The following NAPA variants were observed in gnomAD, a reference collection of about 807,000 sequenced individuals.
NAPA encodes alpha-soluble NSF attachment protein.
NAPA carries 18 observed loss-of-function variants against 48.0 expected under a neutral mutation model. The ratio of observed to expected loss-of-function variants is 0.38; its 90% CI spans 0.26 to 0.56. The LOEUF (loss-of-function observed/expected upper bound fraction) is 0.56, where lower values mean the gene tolerates loss of function less well. NAPA is among the 20% of genes least tolerant of loss of function. The pLI is 0.77. For synonymous variants in NAPA, 152 were observed against 149.9 expected, an observed-to-expected ratio of 1.01 and a Z score of -0.10; for missense variants, 315 against 385.0, an observed-to-expected ratio of 0.82 and a Z score of 1.52.
At chr19:47,500,020 T>G (rs1335721860) in intron 3 of NAPA, among the ~76,000 whole-genome samples, 5 of 152,264 alleles carry the variant, frequency 3.3e-5, no homozygotes, top group African/African-American at 2.4e-5. Flanking sequence ...AACACTGGGC[T>G]GGACCTCCTC....
chr19:47,490,015 G>C (rs1319650171), intron 9 of NAPA, among the ~76,000 whole-genome samples: 1 of 151,966 alleles, frequency 6.6e-6, no homozygotes, highest in African/African-American at 2.4e-5. Flanking sequence ...ATGTGTGTGT[G>C]TGTGGGTATG....
chr19:47,502,377 A>T (rs1386196727), intron 2 of NAPA, among the ~76,000 whole-genome samples: 5 of 152,150 alleles, frequency 3.3e-5, no homozygotes, highest in African/African-American at 9.7e-5. Flanking sequence ...CTATGTAATT[A>T]AAAAATAAGC....
At chr19:47,507,200 T>C (rs1968709399) in intron 1 of NAPA, among the ~76,000 whole-genome samples, 1 of 152,160 alleles carries the variant, frequency 6.6e-6, no homozygotes, top group Non-Finnish European at 1.5e-5. Flanking sequence ...GGCTGCCTGA[T>C]GCAGGGCTGT....
intron 1 of NAPA, among the ~76,000 whole-genome samples, chr19:47,508,835 C>G (rs892337305): frequency 6.6e-6 from 1 of 152,052 alleles, no homozygotes; most frequent in Non-Finnish European, 1.5e-5. Flanking sequence ...CCTACAATCC[C>G]AGGGCTTTGG....
chr19:47,490,324 G>A (rs1244811586), intron 9 of NAPA, among the ~76,000 whole-genome samples: 1 of 149,052 alleles, frequency 6.7e-6, no homozygotes, highest in Non-Finnish European at 1.5e-5. Flanking sequence ...TGTGTAGTGT[G>A]TGTGCGATAT....
At chr19:47,513,093 G>A (rs546281987) in intron 1 of NAPA, among the ~76,000 whole-genome samples, 4 of 152,004 alleles carry the variant, frequency 2.6e-5, no homozygotes, top group African/African-American at 7.2e-5. Flanking sequence ...TGACCCTTTC[G>A]GGTCGTCCCA....
In NAPA at chr19:47,500,444, G is replaced by A. The variant is rs368422289; in HGVS notation, c.295+189C>T. On this transcript the variant is annotated intron_variant, in intron 3 of 10. Coordinates refer to ENST00000263354, the MANE Select transcript of NAPA (RefSeq NM_003827.4). Reference sequence around the variant, plus strand: ...GGGGGCGGAGACTTGAGCAGGGCGCGAATGCCAACTGGAAGGAAGAGAGCC... The same window carrying A: ...GGGGGCGGAGACTTGAGCAGGGCGCAAATGCCAACTGGAAGGAAGAGAGCC... Among the ~76,000 whole-genome samples the A allele has an allele frequency of 3.3e-5, 5 of 152,306 alleles. No individual in the cohort carries two copies. In the South Asian group the frequency reaches 1.0e-3, roughly 32 times the overall value.
At chr19:47,489,239 AG>A (rs1968173829) in intron 10 of NAPA, 1 of 167,012 alleles carries the variant, frequency 6.0e-6, no homozygotes, top group Admixed American at 5.6e-5. Context: ...GAACAGAGAA[AG>A]GGAAGGGAGA....
chr19:47,494,376 C>T (rs927275689), intron 4 of NAPA, among the ~76,000 whole-genome samples: 2 of 152,172 alleles, frequency 1.3e-5, no homozygotes, highest in Non-Finnish European at 1.5e-5. Flanking sequence ...CTGCCCTGAA[C>T]GCAAGGGGTA....
intron 2 of NAPA, 163 bp downstream of exon 2, chr19:47,503,260 C>A: frequency 1.5e-6 from 1 of 656,304 alleles, no homozygotes; most frequent in African/African-American, 1.8e-5. Flanking sequence ...ATAAAGTAAC[C>A]CAGCAGGCAC....
At position 47,489,537 on chromosome 19, in the gene NAPA, T is replaced by C; in HGVS notation, c.786+174A>G. The C allele has an allele frequency of 4.2e-6, 3 of 711,140 alleles. 1 individual carries two copies. The highest frequency in any genetic ancestry group is 3.6e-5 in the South Asian group (2 of 55,866). The allele number at this position is 711,140 out of a possible 1,614,324, so 44.1% of individuals were successfully genotyped here. ...TCTATAAAATGGGGAGAACACTCCC[T>C]GCGCCTCTTGGCGCTACTTGTAAGG... On this transcript the variant is annotated intron_variant, in intron 10 of 10. Transcript: ENST00000263354.
chr19:47,514,881 T>G lies in NAPA; in HGVS notation c.60A>C (p.Lys20Asn), dbSNP rs1448272213. The G allele has an allele frequency of 6.2e-7, 1 of 1,613,898 alleles. No individual in the cohort carries two copies. The highest frequency in any genetic ancestry group is 8.5e-7 in the Non-Finnish European group (1 of 1,180,008). ...AGAAGAAGGACTGCGAGTTCTTCAC[T>G]TTGCGCTCCGCCTCGGCCAACAGCG... The part of the protein sequence containing the change: ...AMALLAEAER[K>N]VKNSQSFFSG... The change falls in exon 1 of 11, where the codon AAA becomes AAC. Residue 20 changes from lysine to asparagine, a missense_variant. Coordinates refer to ENST00000263354, the MANE Select transcript of NAPA (RefSeq NM_003827.4).
intron 3 of NAPA, 133 bp from the exon 4 acceptor site, chr19:47,495,729 T>TGA: frequency 1.3e-6 from 1 of 780,178 alleles, no homozygotes; most frequent in Non-Finnish European, 2.2e-6. Flanking sequence ...CTGCCAGCGC[T>TGA]GCCACACACT....
chr19:47,492,812 T>TG, intron 7 of NAPA, 149 bp downstream of exon 7: 2 of 651,550 alleles, frequency 3.1e-6, no homozygotes, highest in Non-Finnish European at 2.7e-6. Flanking sequence ...GAAGACAGGG[T>TG]GGGGGGATGA....
chr19:47,511,587 C>G (rs900728334), intron 1 of NAPA, among the ~76,000 whole-genome samples: 2 of 152,208 alleles, frequency 1.3e-5, no homozygotes, highest in African/African-American at 4.8e-5. Flanking sequence ...TGGTCATGAA[C>G]CTTGAGGAGA....
intron 3 of NAPA, among the ~76,000 whole-genome samples, chr19:47,498,987 C>T (rs913970722): frequency 4.6e-5 from 7 of 152,220 alleles, no homozygotes; most frequent in Non-Finnish European, 1.0e-4. Flanking sequence ...ACGCCCCCAG[C>T]CTCAGCTCTG....
intron 1 of NAPA, among the ~76,000 whole-genome samples, chr19:47,513,730 C>T (rs1968848332): frequency 6.6e-6 from 1 of 151,882 alleles, no homozygotes; most frequent in Non-Finnish European, 1.5e-5. Context: ...TCTCAGTCCC[C>T]CTGTCTCTCC....
At chr19:47,490,075 GGT>G (rs397963943) in intron 9 of NAPA, among the ~76,000 whole-genome samples, 1 of 149,228 alleles carries the variant, frequency 6.7e-6, no homozygotes, top group African/African-American at 2.5e-5. Context: ...GTGTGTGTGT[GGT>G]GTGTGTGTTG....
intron 3 of NAPA, chr19:47,496,987 ACGGTGGC>A: frequency 1.2e-5 from 4 of 344,990 alleles, no homozygotes; most frequent in African/African-American, 4.3e-5. Context: ...GACAGTGGAA[ACGGTGGC>A]AAAAAGGGGG....
Sources: gnomAD v4.1 joint callset for allele counts (sites outside exome capture counted in the v4.1 genomes callset) on GRCh38, gnomAD v4.1.1 for gene constraint, MANE v1.5 for transcripts, NCBI Gene and HGNC (gene_info 2026-07-23, HGNC 2026-07-21) for gene names.